The following CPXM2 variants were observed in gnomAD, a reference collection of about 807,000 sequenced individuals.
CPXM2 encodes the protein inactive carboxypeptidase-like protein X2.
CPXM2 carries 66 observed loss-of-function variants against 86.1 expected under a neutral mutation model. The ratio of observed to expected loss-of-function variants is 0.77; its 90% CI spans 0.63 to 0.94. The LOEUF is 0.94. CPXM2 is among the 40% of genes least tolerant of loss of function. The pLI, the probability that CPXM2 is intolerant of heterozygous loss-of-function variation, is 0.00. For synonymous variants in CPXM2, 388 were observed against 400.2 expected, an observed-to-expected ratio of 0.97 and a Z score of 0.36; for missense variants, 948 against 1,026.3, an observed-to-expected ratio of 0.92 and a Z score of 1.04.
At chr10:123,894,604 T>C (rs1029251604), upstream of CPXM2, among the ~76,000 whole-genome samples, 6 of 152,230 alleles carry the variant, frequency 3.9e-5, no homozygotes, top group African/African-American at 1.4e-4. Flanking sequence ...GCGGCAAAGC[T>C]GACCTCATTC....
chr10:123,898,084 G>A (rs758618496), intron 2 of CPXM2, among the ~76,000 whole-genome samples: 5 of 152,204 alleles, frequency 3.3e-5, no homozygotes, highest in Admixed American at 6.5e-5. Flanking sequence ...GTTTCTGCAA[G>A]AGAACATCTC....
intron 13 of CPXM2, among the ~76,000 whole-genome samples, chr10:123,748,192 C>T (rs924862239): frequency 2.2e-4 from 33 of 152,214 alleles, no homozygotes; most frequent in African/African-American, 7.0e-4. Context: ...GGTGTAGTAT[C>T]CTGCACCAGG....
intron 1 of CPXM2, among the ~76,000 whole-genome samples, chr10:123,880,969 C>T (rs960057141): frequency 1.3e-5 from 2 of 151,700 alleles, no homozygotes; most frequent in African/African-American, 4.9e-5. Context: ...TAGCATTTTC[C>T]ACCCTGCTGG....
chr10:123,891,007 T>C lies in CPXM2; in HGVS notation c.304+349A>G, dbSNP rs1945258437. On this transcript the variant is annotated intron_variant, in intron 1 of 13. Coordinates refer to ENST00000241305, the MANE Select transcript of CPXM2 (RefSeq NM_198148.3). This position sits in a 1 kb window ranked among gnomAD's most constrained non-coding sequence, Gnocchi z 5.6. ...CAGCCGCATTTGAGGATTGAAGAAG[T>C]AGGCAGAGAAGTAAGAGGCATCCAG... 6.6e-6 allele frequency among the ~76,000 whole-genome samples: 1 copy of C among 152,204 alleles called. No individual in the cohort carries two copies. The highest frequency in any genetic ancestry group is 2.1e-4 in the South Asian group (1 of 4,832).
chr10:123,879,199 C>A (rs962649221), intron 2 of CPXM2, among the ~76,000 whole-genome samples: 6 of 152,196 alleles, frequency 3.9e-5, no homozygotes, highest in Non-Finnish European at 5.9e-5. Context: ...TGGTTAGAAA[C>A]ACTGCCCCAA....
At chr10:123,795,512 C>T (rs111426858) in intron 6 of CPXM2, among the ~76,000 whole-genome samples, 3 of 152,174 alleles carry the variant, frequency 2.0e-5, no homozygotes, top group African/African-American at 7.2e-5. Context: ...ACGTTTAAAC[C>T]ACGAGGTCAC....
At chr10:123,940,278 A>T (rs1340828090), upstream of CPXM2, 1 of 152,270 alleles carries the variant, frequency 6.6e-6, no homozygotes, top group African/African-American at 2.4e-5. Context: ...ATGGGTGATG[A>T]GCCCTTGCTG....
chr10:123,924,127 C>A (rs1564823660), intron 2 of CPXM2, among the ~76,000 whole-genome samples: 1 of 152,128 alleles, frequency 6.6e-6, no homozygotes, highest in Non-Finnish European at 1.5e-5. Context: ...CTTCTGACAC[C>A]AAATGTGCAG....
At chr10:123,918,438 G>T (rs1945552353) in intron 2 of CPXM2, among the ~76,000 whole-genome samples, 1 of 152,180 alleles carries the variant, frequency 6.6e-6, no homozygotes, top group Non-Finnish European at 1.5e-5. Flanking sequence ...TAATAACAGA[G>T]TAGGGAAAGA....
At chr10:123,907,119 G>A (rs1370436051) in intron 2 of CPXM2, among the ~76,000 whole-genome samples, 1 of 152,154 alleles carries the variant, frequency 6.6e-6, no homozygotes, top group Non-Finnish European at 1.5e-5. Context: ...TTTCCAGGAG[G>A]GCTTCCATCA....
intron 3 of CPXM2, among the ~76,000 whole-genome samples, chr10:123,853,108 T>C (rs555935962): frequency 2.0e-5 from 3 of 152,120 alleles, no homozygotes; most frequent in Admixed American, 2.0e-4. Context: ...TCTCATGAGA[T>C]CTAGTTGTTT....
chr10:123,856,163 T>C (rs1285923438), intron 3 of CPXM2, among the ~76,000 whole-genome samples: 2 of 152,176 alleles, frequency 1.3e-5, no homozygotes, highest in Non-Finnish European at 2.9e-5. Context: ...TGTAAGTCGG[T>C]CCCCAGTTAT....
chr10:123,812,454 G>A (rs560972378), intron 4 of CPXM2, among the ~76,000 whole-genome samples: 6 of 152,100 alleles, frequency 3.9e-5, no homozygotes, highest in African/African-American at 4.8e-5. Context: ...ATTGGTCCCC[G>A]ATAAGGAGAA....
chr10:123,842,132 C>T (rs1848399331), intron 4 of CPXM2, among the ~76,000 whole-genome samples: 1 of 152,248 alleles, frequency 6.6e-6, no homozygotes, highest in Non-Finnish European at 1.5e-5. Context: ...TTTCTCTCCA[C>T]TCCTGTACAG....
At chr10:123,902,154 A>G (rs1945388149) in intron 2 of CPXM2, among the ~76,000 whole-genome samples, 1 of 152,212 alleles carries the variant, frequency 6.6e-6, no homozygotes, top group Non-Finnish European at 1.5e-5. Context: ...TTTAAATTTT[A>G]TATTTCAGTA....
chr10:123,904,125 T>C (rs1945410706), intron 2 of CPXM2, among the ~76,000 whole-genome samples: 1 of 152,260 alleles, frequency 6.6e-6, no homozygotes, highest in African/African-American at 2.4e-5. Flanking sequence ...ATTTATTACA[T>C]AAATAAAATA....
At chr10:123,943,523 C>G (rs1026556938), upstream of CPXM2, among the ~76,000 whole-genome samples, 4 of 152,208 alleles carry the variant, frequency 2.6e-5, no homozygotes, top group Non-Finnish European at 5.9e-5. Context: ...CTCCAGGGAC[C>G]AGCAGGCTGC....
intron 1 of CPXM2, among the ~76,000 whole-genome samples, chr10:123,890,874 G>A (rs950091643): frequency 2.6e-5 from 4 of 152,178 alleles, no homozygotes; most frequent in African/African-American, 7.2e-5. Context: ...AGAGTGGGAA[G>A]GAGGGAGCTG....
intron 2 of CPXM2, among the ~76,000 whole-genome samples, chr10:123,929,623 A>AT (rs1373650401): frequency 6.6e-6 from 1 of 151,996 alleles, no homozygotes; most frequent in Non-Finnish European, 1.5e-5. Context: ...CAGAGTCCTC[A>AT]TTTCTGCTTC....
Sources: gnomAD v4.1 joint callset for allele counts (sites outside exome capture counted in the v4.1 genomes callset) on GRCh38, gnomAD v4.1.1 for gene constraint, Gnocchi (gnomAD v3.1) non-coding constraint, MANE v1.5 for transcripts, NCBI Gene and HGNC (gene_info 2026-07-23, HGNC 2026-07-21) for gene names.